PDE4D: variants seen among roughly 807,000 people sequenced by gnomAD.
PDE4D encodes 3',5'-cyclic-AMP phosphodiesterase 4D.
In PDE4D, 24 loss-of-function variants were observed where a neutral mutation model predicts 87.4. The observed-to-expected ratio is 0.27, with a 90% CI of 0.20 to 0.39. The LOEUF (loss-of-function observed/expected upper bound fraction) is 0.39, where lower values mean the gene tolerates loss of function less well. Among genes scored for constraint, PDE4D ranks in the 10% least tolerant of loss-of-function variants. The pLI is 1.00. For missense variants in PDE4D, 714 were observed against 1,041.0 expected, an observed-to-expected ratio of 0.69 and a Z score of 4.32; for synonymous variants, 384 against 383.2, an observed-to-expected ratio of 1.00 and a Z score of -0.02.
intron 1 of PDE4D, among the ~76,000 whole-genome samples, chr5:60,371,164 A>G (rs1458146095): frequency 6.6e-6 from 1 of 152,238 alleles, no homozygotes; most frequent in Non-Finnish European, 1.5e-5. Context: ...TCTACTCTGT[A>G]TCCACCTTAA....
At chr5:59,163,460 G>A (rs1210263786) in intron 5 of PDE4D, among the ~76,000 whole-genome samples, 1 of 151,938 alleles carries the variant, frequency 6.6e-6, no homozygotes, top group Non-Finnish European at 1.5e-5. Context: ...TAATAGAGAC[G>A]GGGTTTCTCC....
intron 1 of PDE4D, among the ~76,000 whole-genome samples, chr5:59,351,639 G>A (rs1780551503): frequency 6.6e-6 from 1 of 151,856 alleles, no homozygotes; most frequent in Non-Finnish European, 1.5e-5. Flanking sequence ...AGCCAGGAGG[G>A]GGCAGAAGCA....
chr5:59,980,828 A>G (rs979542490), intron 3 of PDE4D, among the ~76,000 whole-genome samples: 2 of 152,250 alleles, frequency 1.3e-5, no homozygotes, highest in Non-Finnish European at 2.9e-5. Flanking sequence ...GTGAGAAAAA[A>G]GTCAGCATTT....
intron 11 of PDE4D, among the ~76,000 whole-genome samples, chr5:58,987,544 C>T (rs1035188291): frequency 1.3e-5 from 2 of 152,128 alleles, no homozygotes; most frequent in South Asian, 4.1e-4. Context: ...AATCTGGCTA[C>T]AGCAAAGTAC....
At chr5:60,140,561 A>G (rs974282165) in intron 2 of PDE4D, among the ~76,000 whole-genome samples, 5 of 152,134 alleles carry the variant, frequency 3.3e-5, no homozygotes, top group Admixed American at 6.5e-5. Context: ...GAAAAAAAAA[A>G]AAAGAAAGAA....
chr5:60,433,629 C>T (rs977010610), intron 1 of PDE4D, among the ~76,000 whole-genome samples: 2 of 152,152 alleles, frequency 1.3e-5, no homozygotes, highest in Non-Finnish European at 2.9e-5. Context: ...TGCATATGTT[C>T]ATTGCAGCTC....
At chr5:59,634,034 T>G (rs1425311521) in intron 1 of PDE4D, among the ~76,000 whole-genome samples, 1 of 145,250 alleles carries the variant, frequency 6.9e-6, no homozygotes, top group Non-Finnish European at 1.5e-5. Flanking sequence ...AATAAAGGGA[T>G]GGAGGAAGAT....
chr5:60,377,914 G>A (rs1761551333), intron 1 of PDE4D, among the ~76,000 whole-genome samples: 1 of 152,136 alleles, frequency 6.6e-6, no homozygotes, highest in African/African-American at 2.4e-5. Context: ...GAAATACATA[G>A]GTCTTTTCTA....
At chr5:60,457,009 G>A (rs780594960) in intron 1 of PDE4D, among the ~76,000 whole-genome samples, 1 of 152,080 alleles carries the variant, frequency 6.6e-6, no homozygotes, top group Non-Finnish European at 1.5e-5. Context: ...AGTCGAATAG[G>A]TCATCTACCC....
intron 1 of PDE4D, among the ~76,000 whole-genome samples, chr5:60,265,916 A>G (rs2149712761): frequency 6.6e-6 from 1 of 152,342 alleles, no homozygotes; most frequent in Middle Eastern, 3.4e-3. Context: ...AGCCCCATTT[A>G]CATTAGTGAA....
At chr5:59,235,755 T>C (rs1308301115) in intron 1 of PDE4D, among the ~76,000 whole-genome samples, 5 of 152,160 alleles carry the variant, frequency 3.3e-5, no homozygotes, top group Non-Finnish European at 5.9e-5. Flanking sequence ...TGTCTGTAAA[T>C]AGTAGAATGA....
At chr5:60,299,643 C>T (rs996225441) in intron 1 of PDE4D, among the ~76,000 whole-genome samples, 2 of 152,160 alleles carry the variant, frequency 1.3e-5, no homozygotes, top group Admixed American at 6.5e-5. Context: ...TAAGTAAGAA[C>T]CTGTGGTGTT....
intron 2 of PDE4D, among the ~76,000 whole-genome samples, chr5:60,071,800 T>C (rs1418558540): frequency 6.6e-6 from 1 of 152,150 alleles, no homozygotes; most frequent in Non-Finnish European, 1.5e-5. Context: ...ATTAGTTTGC[T>C]AAAGATAACA....
intron 2 of PDE4D, among the ~76,000 whole-genome samples, chr5:60,076,111 C>T (rs12153039): frequency 0.15 from 23,463 of 151,990 alleles, 1,851 homozygotes; most frequent in Middle Eastern, 0.22. Flanking sequence ...TTAGAGTTCC[C>T]ACACTGGTTT....
chr5:59,622,254 T>A (rs1057112850), intron 1 of PDE4D, among the ~76,000 whole-genome samples: 1 of 152,142 alleles, frequency 6.6e-6, no homozygotes, highest in African/African-American at 2.4e-5. Flanking sequence ...ACATATATTT[T>A]AAGAGGAAAA....
intron 1 of PDE4D, among the ~76,000 whole-genome samples, chr5:60,508,424 G>A (rs558677692): frequency 3.3e-5 from 5 of 152,306 alleles, no homozygotes; most frequent in African/African-American, 1.2e-4. Flanking sequence ...AAATAAACCA[G>A]AACAAAAGAG....
intron 1 of PDE4D, among the ~76,000 whole-genome samples, chr5:59,407,186 T>A (rs565296085): frequency 1.3e-5 from 2 of 152,200 alleles, no homozygotes; most frequent in East Asian, 3.9e-4. Context: ...TGTGAGCAAG[T>A]TCTCATAAAA....
intron 1 of PDE4D, among the ~76,000 whole-genome samples, chr5:59,512,778 A>G (rs1350993343): frequency 1.4e-4 from 22 of 152,178 alleles, no homozygotes. Context: ...AAGTACAGAT[A>G]GAGACATTTT....
rs57407769 is a variant in PDE4D, at chr5:59,751,574, G to GGTGTGTGTGTGTGT, written c.455+141580_455+141593dup. Among the ~76,000 whole-genome samples the GGTGTGTGTGTGTGT allele has an allele frequency of 8.4e-3, 1,193 of 142,710 alleles. 10 individuals carry two copies. Among genetic ancestry groups the GGTGTGTGTGTGTGT allele is most frequent in the African/African-American group, 0.012 (446 of 37,814 alleles). 93.6% of individuals were successfully genotyped at this position (142,710 alleles called of 152,430 possible). ...GTTTCTTTTATACATATAAATCCCT[G>GGTGTGTGTGTGTGT]GTGTGTGTGTGTGTGTGTGTGTGTG... is the stretch of plus-strand genomic sequence containing the variant. On this transcript the variant is annotated intron_variant, in intron 1 of 14. Transcript: ENST00000340635.
Sources: allele counts gnomAD v4.1 joint callset (sites outside exome capture counted in the v4.1 genomes callset), GRCh38; gene constraint gnomAD v4.1.1; transcripts MANE v1.5; gene names NCBI Gene and HGNC (gene_info 2026-07-23, HGNC 2026-07-21).